STAU2: variants seen among roughly 807,000 people sequenced by gnomAD.
STAU2 encodes the protein staufen double-stranded RNA binding protein 2.
A neutral mutation model predicts 65.9 loss-of-function variants in STAU2; 20 were observed. The observed-to-expected ratio is 0.30, with a 90% CI of 0.21 to 0.44. The LOEUF (loss-of-function observed/expected upper bound fraction) is 0.44. STAU2 is among the 20% of genes least tolerant of loss of function. STAU2 has a pLI of 1.00. For synonymous variants in STAU2, 232 were observed against 233.9 expected (o/e 0.99, Z 0.07); for missense variants, 558 against 683.9 (o/e 0.82, Z 2.05).
chr8:73,694,025 T>C (rs1288200725), intron 4 of STAU2, among the ~76,000 whole-genome samples: 2 of 152,156 alleles, frequency 1.3e-5, no homozygotes, highest in African/African-American at 4.8e-5. Flanking sequence ...TATACTGACA[T>C]AAATCAAGGA....
At chr8:73,652,984 T>C (rs1201789250) in intron 6 of STAU2, 1 of 152,156 alleles carries the variant, frequency 6.6e-6, no homozygotes, top group East Asian at 1.9e-4. Context: ...TAAGGGGACA[T>C]CTTAGGGCGT....
chr8:73,696,595 T>G (rs970685220), intron 4 of STAU2, among the ~76,000 whole-genome samples: 8 of 152,156 alleles, frequency 5.3e-5, no homozygotes, highest in African/African-American at 1.7e-4. Context: ...GCAACTGACA[T>G]GATGAGGACT....
At chr8:73,569,660 T>G (rs767812237) in intron 12 of STAU2, among the ~76,000 whole-genome samples, 30 of 152,308 alleles carry the variant, frequency 2.0e-4, no homozygotes, top group Non-Finnish European at 4.0e-4. Flanking sequence ...CAATATTTGC[T>G]GTTCTGCAGC....
intron 3 of STAU2, chr8:73,733,023 C>A (rs1245575173): frequency 6.6e-6 from 1 of 152,032 alleles, no homozygotes; most frequent in Non-Finnish European, 1.5e-5. Flanking sequence ...CTTACACTAT[C>A]CAGTGTAATA....
At chr8:73,645,853 C>T (rs1815332084) in intron 6 of STAU2, among the ~76,000 whole-genome samples, 1 of 152,080 alleles carries the variant, frequency 6.6e-6, no homozygotes, top group South Asian at 2.1e-4. Flanking sequence ...AACCAGATCT[C>T]ATGATAAGTC....
At chr8:73,651,551 C>A (rs1815879636) in intron 6 of STAU2, 4 of 847,600 alleles carry the variant, frequency 4.7e-6, no homozygotes, top group Admixed American at 3.7e-5. Flanking sequence ...CAATGGCCTG[C>A]ACCTGCTGTG....
At chr8:73,527,946 CTTGAA>C (rs1473323131) in intron 13 of STAU2, 1 of 488,952 alleles carries the variant, frequency 2.0e-6, no homozygotes, top group Non-Finnish European at 3.7e-6. Context: ...ATATCTGGGA[CTTGAA>C]TTGAATCTAT....
At chr8:73,687,081 C>T (rs28739270) in intron 5 of STAU2, among the ~76,000 whole-genome samples, 10,440 of 144,930 alleles carry the variant, frequency 0.072, 412 homozygotes, top group Middle Eastern at 0.15. Context: ...TTAGTAGAGA[C>T]GGGGTTTCAC....
At chr8:73,732,664 A>G (rs575357047) in intron 3 of STAU2, 3 of 152,226 alleles carry the variant, frequency 2.0e-5, no homozygotes, top group Non-Finnish European at 4.4e-5. Context: ...AGTAACTACT[A>G]CTAAGTAGCA....
At chr8:73,591,783 A>G (rs1227006640) in intron 11 of STAU2, among the ~76,000 whole-genome samples, 1 of 151,526 alleles carries the variant, frequency 6.6e-6, no homozygotes, top group African/African-American at 2.4e-5. Flanking sequence ...ACAAGTAATC[A>G]TAACAGATAC....
intron 3 of STAU2, among the ~76,000 whole-genome samples, chr8:73,721,465 G>A (rs906259198): frequency 7.9e-5 from 12 of 151,946 alleles, no homozygotes; most frequent in African/African-American, 2.9e-4. Context: ...CTATATCTTT[G>A]ATGATTTTCT....
At chr8:73,667,089 T>C (rs1817291815) in intron 6 of STAU2, among the ~76,000 whole-genome samples, 1 of 152,188 alleles carries the variant, frequency 6.6e-6, no homozygotes, top group Non-Finnish European at 1.5e-5. Flanking sequence ...CATCCAAATA[T>C]CTGAAGTTAT....
chr8:73,483,044 C>T (rs896104431), intron 13 of STAU2, among the ~76,000 whole-genome samples: 20 of 82,134 alleles, frequency 2.4e-4, no homozygotes, highest in Non-Finnish European at 4.6e-4. Flanking sequence ...TTAAAAAGCC[C>T]CATACACATC....
At chr8:73,683,606 C>G (rs1044915375) in intron 5 of STAU2, among the ~76,000 whole-genome samples, 2 of 152,082 alleles carry the variant, frequency 1.3e-5, no homozygotes, top group African/African-American at 2.4e-5. Flanking sequence ...GAAGTCCTAG[C>G]CGGAGCAATC....
chr8:73,505,813 G>T (rs1011624848), intron 13 of STAU2, among the ~76,000 whole-genome samples: 1 of 152,064 alleles, frequency 6.6e-6, no homozygotes, highest in Non-Finnish European at 1.5e-5. Context: ...CTGGAAGTGA[G>T]GCCTGGCAGG....
intron 7 of STAU2, among the ~76,000 whole-genome samples, chr8:73,616,226 T>C (rs142844420): frequency 2.3e-3 from 345 of 152,254 alleles, no homozygotes; most frequent in African/African-American, 7.2e-3. Context: ...GGCACAGGCA[T>C]TGGTTTACTT....
At chr8:73,729,761 C>T (rs1805912025) in intron 3 of STAU2, among the ~76,000 whole-genome samples, 2 of 152,144 alleles carry the variant, frequency 1.3e-5, no homozygotes, top group African/African-American at 4.8e-5. Context: ...TCTTCTGAGT[C>T]AGTTTTAGTA....
intron 13 of STAU2, among the ~76,000 whole-genome samples, chr8:73,542,277 T>A (rs74883984): frequency 0.12 from 18,790 of 152,068 alleles, 1,494 homozygotes; most frequent in Admixed American, 0.16. Flanking sequence ...GGCTATCCTA[T>A]GAGGAAAAAA....
intron 13 of STAU2, among the ~76,000 whole-genome samples, chr8:73,485,584 C>T (rs532694228): frequency 6.8e-4 from 104 of 152,186 alleles, no homozygotes; most frequent in African/African-American, 2.4e-3. Flanking sequence ...AGCTCGGTAG[C>T]TCAGACCCGT....
Sources: allele counts gnomAD v4.1 joint callset (sites outside exome capture counted in the v4.1 genomes callset), GRCh38; gene constraint gnomAD v4.1.1; transcripts MANE v1.5; gene names NCBI Gene and HGNC (gene_info 2026-07-23, HGNC 2026-07-21).